Variants in THBS3 observed in about 807,000 individuals in gnomAD.
THBS3 encodes the protein thrombospondin-3.
Under a neutral mutation model 118.3 loss-of-function variants are expected in THBS3, and 78 were observed. The ratio of observed to expected loss-of-function variants is 0.66; its 90% CI spans 0.55 to 0.80. THBS3 has a LOEUF of 0.80. THBS3 is among the 30% of genes least tolerant of loss of function. The pLI is 0.00. For missense variants in THBS3, 1,057 were observed against 1,247.4 expected (o/e 0.85, Z 2.30); for synonymous variants, 427 against 475.3 (o/e 0.90, Z 1.32).
chr1:155,208,977 CG>C (rs1670930656), upstream of THBS3: 2 of 1,606,132 alleles, frequency 1.2e-6, no homozygotes, highest in Admixed American at 3.4e-5. Flanking sequence ...TCCACTTGGA[CG>C]AGGCGCCGTG....
chr1:155,203,056 A>G (rs749825754), intron 7 of THBS3, 30 bp downstream of exon 7: 1 of 1,614,138 alleles, frequency 6.2e-7, no homozygotes, highest in Non-Finnish European at 8.5e-7. Context: ...TGGCACGGTC[A>G]TGTGGAGCCT....
upstream of THBS3, chr1:155,208,839 C>A: frequency 6.3e-7 from 1 of 1,585,996 alleles, no homozygotes; most frequent in East Asian, 2.3e-5. Context: ...AGTCCCCGCT[C>A]GGGGACGAGC....
chr1:155,197,582 A>T lies in THBS3; in HGVS notation c.2380T>A (p.Phe794Ile), dbSNP rs1668888052. 6.2e-7 allele frequency: 1 copy of T among 1,612,048 alleles called. No individual in the cohort carries two copies. The change falls in exon 20 of 23, where the codon TTT (phenylalanine) becomes ATT (isoleucine). Residue 794 changes from phenylalanine (F) to isoleucine (I), a missense_variant. Phe to Ile is a conservative substitution (Grantham distance 21). Transcript: ENST00000368378. This position sits in a 1 kb window ranked among gnomAD's most constrained non-coding sequence, Gnocchi z 5.0. ...CCACTGTCTTGATAACTGAAGAGAA[A>T]GCCTGCGTAGTCATCATCAGTCACT... ...NTVTDDDYAGFLFSYQDSGRF... is the reference protein window; with the variant it reads ...NTVTDDDYAGILFSYQDSGRF...
chr1:155,203,304 C>T lies in THBS3; in HGVS notation c.675G>A (p.Gly225=), dbSNP rs200369709. ...AVTNALHSIL[G]EQTKALVTQL... Reference sequence around the variant, plus strand: ...GGGTGACCAGCGCCTTGGTCTGCTCCCCTGTCGGGACCCAGGGTGTGAGGG... The same window carrying T: ...GGGTGACCAGCGCCTTGGTCTGCTCTCCTGTCGGGACCCAGGGTGTGAGGG... The change falls in exon 6 of 23, where the codon GGG becomes GGA. Residue 225 remains glycine, a splice_region_variant and synonymous_variant. Transcript: ENST00000368378. The T allele has an allele frequency of 1.9e-4, 305 of 1,613,992 alleles. No individual in the cohort carries two copies. In the Middle Eastern group the frequency reaches 5.1e-3, roughly 27 times the overall value.
In THBS3 at chr1:155,200,122, C is replaced by T. The variant is rs756653538; in HGVS notation, c.1709-9G>A. On this transcript the variant is annotated splice_polypyrimidine_tract_variant and intron_variant, in intron 14 of 22. Transcript: ENST00000368378. Reference sequence around the variant, plus strand: ...CAATCCATTGGGGATGCCTAGAAGACATGGGTAGCACAAGGTTGTTACTAG... The same window carrying T: ...CAATCCATTGGGGATGCCTAGAAGATATGGGTAGCACAAGGTTGTTACTAG... The T allele has an allele frequency of 1.4e-5, 21 of 1,539,306 alleles. No individual in the cohort carries two copies. The South Asian group carries it at 2.4e-4, about 18-fold the overall frequency.
Position 155,206,440 on chromosome 1 carries a change from G to C in THBS3, c.80-34C>G. Reference sequence around the variant, plus strand: ...GCAGGGGTTATCAAGGTTAGAGAATGGGATCAAATGCTAAGGTATGCCCTC... The same window carrying C: ...GCAGGGGTTATCAAGGTTAGAGAATCGGATCAAATGCTAAGGTATGCCCTC... On this transcript the variant is annotated intron_variant, in intron 1 of 22. Transcript: ENST00000368378. The surrounding 1 kb of genome is among the most constrained non-coding windows in gnomAD (Gnocchi z 4.2). 1.3e-6 allele frequency: 2 copies of C among 1,598,758 alleles called. No individual in the cohort carries two copies. The highest frequency in any genetic ancestry group is 1.7e-6 in the Non-Finnish European group (2 of 1,167,970).
Position 155,202,417 on chromosome 1 carries a change from G to T in THBS3, c.958-16C>A. 1 of 1,612,872 alleles carries T rather than the reference G, an allele frequency of 6.2e-7. No homozygotes were observed. Among genetic ancestry groups the T allele is most frequent in the Middle Eastern group, 1.7e-4 (1 of 6,046 alleles). On this transcript the variant is annotated splice_polypyrimidine_tract_variant and intron_variant, in intron 8 of 22. Coordinates refer to ENST00000368378, the MANE Select transcript of THBS3 (RefSeq NM_007112.5). The surrounding 1 kb of genome is among the most constrained non-coding windows in gnomAD (Gnocchi z 5.5). ...CGTGAGCACACTGGGGACCAGATGAGAAGGCAGAGGTCAGGCCGCCCTCTG... is the reference window on the plus strand; with the variant it reads ...CGTGAGCACACTGGGGACCAGATGATAAGGCAGAGGTCAGGCCGCCCTCTG...
chr1:155,202,079 C>T lies in THBS3; in HGVS notation c.1099-45G>A, dbSNP rs1255896915. The T allele has an allele frequency of 3.1e-6, 5 of 1,613,954 alleles. No individual in the cohort carries two copies. Among genetic ancestry groups the T allele is most frequent in the Middle Eastern group, 1.6e-4 (1 of 6,062 alleles). ...GTGGAACCAGACCTATGGTGGGTCT[C>T]CTCAGATACAGCAGAGGACACTGGT... On this transcript the variant is annotated intron_variant, in intron 9 of 22. Transcript: ENST00000368378. The surrounding 1 kb of genome is among the most constrained non-coding windows in gnomAD (Gnocchi z 5.5).
At position 155,197,023 on chromosome 1, in the gene THBS3, C is replaced by T; in HGVS notation, c.2672+18G>A. The T allele has an allele frequency of 6.2e-7, 1 of 1,609,392 alleles. No individual in the cohort carries two copies. The highest frequency in any genetic ancestry group is 8.5e-7 in the Non-Finnish European group (1 of 1,176,540). On this transcript the variant is annotated intron_variant, in intron 21 of 22. Coordinates refer to ENST00000368378, the MANE Select transcript of THBS3 (RefSeq NM_007112.5). This position sits in a 1 kb window ranked among gnomAD's most constrained non-coding sequence, Gnocchi z 5.0. The stretch of plus-strand genomic sequence containing the variant: ...GCCCGGCCTGAGTCCCACAGGTGGG[C>T]TCAGCCCCTCTCCTTACCGAATGTA...
rs406141 is a variant in THBS3, at chr1:155,202,386, G to A, written c.973C>T (p.Pro325Ser). The A allele has an allele frequency of 1.9e-6, 3 of 1,613,798 alleles. No homozygotes were observed. The highest frequency in any genetic ancestry group is 1.3e-5 in the African/African-American group (1 of 74,914). Residue 325 changes from proline to serine, a missense_variant, in exon 9 of 23, where the codon CCC becomes TCC. Pro to Ser is a moderately conservative substitution (Grantham distance 74). This residue lies in a region of THBS3 where 544 missense variants were observed against 715.6 expected (regional missense o/e 0.76). Transcript: ENST00000368378. The surrounding 1 kb of genome is among the most constrained non-coding windows in gnomAD (Gnocchi z 5.5). The part of the protein sequence containing the change: ...SDINECAHAD[P>S]CFPGSSCINT... ...ATGCAGCTGGAGCCCGGGAAACAGG[G>A]GTCAGCGTGAGCACACTGGGGACCA...
rs35484178 is a variant in THBS3, at chr1:155,202,275, G to A, written c.1084C>T (p.Arg362Trp). The change falls in exon 9 of 23, where the codon CGG (arginine) becomes TGG (tryptophan). Residue 362 changes from arginine to tryptophan, a missense_variant. By Grantham distance (101) the Arg-to-Trp change is moderately radical (BLOSUM62 -3). This residue lies in a region of THBS3 where 544 missense variants were observed against 715.6 expected (regional missense o/e 0.76). Coordinates refer to ENST00000368378, the MANE Select transcript of THBS3 (RefSeq NM_007112.5). The surrounding 1 kb of genome is among the most constrained non-coding windows in gnomAD (Gnocchi z 5.5). ...CCCAGTCTGACCTGTTTGCTGGCCC[G>A]GGCATAGTCAATGCCCACACCAGAC... ...QVSGVGIDYA[R>W]ASKQVCNDID... is the part of the protein sequence containing the mutation. The A allele has an allele frequency of 1.6e-4, 256 of 1,613,822 alleles. No homozygotes were observed. In the African/African-American group the frequency reaches 2.8e-3, roughly 18 times the overall value.
At chr1:155,196,162 G>A (rs1668633301) in intron 21 of THBS3, 36 bp from the exon 22 acceptor site, 1 of 1,611,460 alleles carries the variant, frequency 6.2e-7, no homozygotes, top group Non-Finnish European at 8.5e-7. Flanking sequence ...ATCCATTGGT[G>A]CTAGGGTGCC....
Position 155,206,096 on chromosome 1 carries a change from C to T in THBS3, c.286+104G>A. On this transcript the variant is annotated intron_variant, in intron 2 of 22. Coordinates refer to ENST00000368378, the MANE Select transcript of THBS3 (RefSeq NM_007112.5). The surrounding 1 kb of genome is among the most constrained non-coding windows in gnomAD (Gnocchi z 4.2). ...GGGCACAGCCTGATGGGACCTTGGT[C>T]CCTAGTGGAGGCCAAGGAGAATGAG... The T allele has an allele frequency of 7.3e-7, 1 of 1,375,892 alleles. No homozygotes were observed. Among genetic ancestry groups the T allele is most frequent in the Non-Finnish European group, 1.0e-6 (1 of 993,238 alleles). 85.2% of individuals were successfully genotyped at this position (1,375,892 alleles called of 1,614,324 possible).
Position 155,205,217 on chromosome 1 carries a change from A to G in THBS3, c.386T>C (p.Leu129Pro), listed in dbSNP as rs1670376055. 6.2e-7 allele frequency: 1 copy of G among 1,614,048 alleles called. No individual in the cohort carries two copies. Among genetic ancestry groups the G allele is most frequent in the African/African-American group, 1.3e-5 (1 of 74,932 alleles). The change falls in exon 3 of 23, where the codon CTC becomes CCC. Residue 129 changes from leucine to proline, a missense_variant. Transcript: ENST00000368378. ...DGRTHTVLLR[L>P]RGPSRPSPAL... ...AGGGCTGGGTCTGGAGGGACCTCGGAGTCGCAGGAGAACTGTGTGTGTGCG... is the reference window on the plus strand; with the variant it reads ...AGGGCTGGGTCTGGAGGGACCTCGGGGTCGCAGGAGAACTGTGTGTGTGCG...
chr1:155,204,083 G>A (rs1374183098), intron 4 of THBS3, among the ~76,000 whole-genome samples: 2 of 151,926 alleles, frequency 1.3e-5, no homozygotes, highest in Non-Finnish European at 2.9e-5. Context: ...TGAGGGATCA[G>A]CCCACCTCAG....
Position 155,198,235 on chromosome 1 carries a change from G to T in THBS3, c.2075-15C>A, listed in dbSNP as rs766975273. The T allele has an allele frequency of 1.9e-5, 30 of 1,613,108 alleles. No homozygotes were observed. The Middle Eastern group carries it at 4.9e-4, about 27-fold the overall frequency. ...AACGCCATTGCCTGGGCAGAGTGAG[G>T]CTGGGTGCTCAGGAAGGCCCTGGCC... On this transcript the variant is annotated splice_polypyrimidine_tract_variant and intron_variant, in intron 17 of 22. Transcript: ENST00000368378.
Position 155,197,089 on chromosome 1 carries a change from G to T in THBS3, c.2624C>A (p.Thr875Asn). ...DPRNVGWRDK[T>N]SYRWQLLHRP... is the part of the protein sequence containing the mutation. Reference sequence around the variant, plus strand: ...GTGCAGAAGCTGCCAGCGATAGGAGGTCTTGTCCCGCCAGCCCACATTTCG... The same window carrying T: ...GTGCAGAAGCTGCCAGCGATAGGAGTTCTTGTCCCGCCAGCCCACATTTCG... Residue 875 changes from threonine to asparagine, a missense_variant, in exon 21 of 23, where the codon ACC becomes AAC. Thr to Asn is a moderately conservative substitution (Grantham distance 65). Around this residue, in one of 3 missense-constraint regions of THBS3, gnomAD observed 307 missense variants for 326.1 expected, o/e 0.94. Coordinates refer to ENST00000368378, the MANE Select transcript of THBS3 (RefSeq NM_007112.5). The surrounding 1 kb of genome is among the most constrained non-coding windows in gnomAD (Gnocchi z 5.0). 2 of 1,614,174 alleles carry T rather than the reference G, an allele frequency of 1.2e-6. No individual in the cohort carries two copies. Among genetic ancestry groups the T allele is most frequent in the Non-Finnish European group, 8.5e-7 (1 of 1,180,036 alleles).
intron 10 of THBS3, 133 bp downstream of exon 10, chr1:155,201,824 C>T: frequency 7.4e-7 from 1 of 1,348,382 alleles, no homozygotes; most frequent in Non-Finnish European, 1.0e-6. Flanking sequence ...AAACCAAGTC[C>T]ATGTGAACAC....
intron 4 of THBS3, 54 bp downstream of exon 4, chr1:155,204,801 A>G: frequency 2.6e-6 from 4 of 1,532,626 alleles, no homozygotes; most frequent in Non-Finnish European, 3.6e-6. Flanking sequence ...GACAGGAGTC[A>G]CCAAAGGCCA....
Sources: gnomAD v4.1 joint callset for allele counts (sites outside exome capture counted in the v4.1 genomes callset) on GRCh38, gnomAD v4.1.1 for gene constraint, gnomAD v4.1.1 regional missense constraint, Gnocchi (gnomAD v3.1) non-coding constraint, MANE v1.5 for transcripts, NCBI Gene and HGNC (gene_info 2026-07-23, HGNC 2026-07-21) for gene names.